The following GALNT13 variants were observed in gnomAD, a reference collection of about 807,000 sequenced individuals.
GALNT13 encodes the protein polypeptide N-acetylgalactosaminyltransferase 13.
Under a neutral mutation model 64.2 loss-of-function variants are expected in GALNT13, and 28 were observed. The observed-to-expected ratio is 0.44, with a 90% CI of 0.32 to 0.60. GALNT13 has a LOEUF of 0.60. Ranked by LOEUF, GALNT13 falls within the 20% of genes least tolerant of loss-of-function variation. The pLI, the probability that GALNT13 is intolerant of heterozygous loss-of-function variation, is 0.05. For synonymous variants in GALNT13, 214 were observed against 224.6 expected, an observed-to-expected ratio of 0.95 and a Z score of 0.42; for missense variants, 577 against 669.8, an observed-to-expected ratio of 0.86 and a Z score of 1.53.
chr2:153,980,838 T>C (rs72993655), intron 3 of GALNT13, among the ~76,000 whole-genome samples: 134 of 152,262 alleles, frequency 8.8e-4, no homozygotes, highest in African/African-American at 3.2e-3. Context: ...TTTGCAAGCT[T>C]TGTTTCTTAA....
intron 4 of GALNT13, among the ~76,000 whole-genome samples, chr2:154,187,769 T>G (rs892093761): frequency 2.0e-5 from 3 of 152,122 alleles, no homozygotes; most frequent in Admixed American, 1.3e-4. Flanking sequence ...ACTGCATACA[T>G]ACAAAATATT....
At chr2:153,252,467 T>C in the GALNT13 span, among the ~76,000 whole-genome samples, 17 of 143,902 alleles carry the variant, frequency 1.2e-4, no homozygotes, top group African/African-American at 4.3e-4. Flanking sequence ...CAGAAGCTCT[T>C]TAGTTTAATT....
the GALNT13 span, among the ~76,000 whole-genome samples, chr2:153,407,971 C>T: frequency 1.3e-5 from 2 of 152,090 alleles, no homozygotes; most frequent in Non-Finnish European, 2.9e-5. Flanking sequence ...CATCGAAATG[C>T]GTGATTTACA....
the GALNT13 span, among the ~76,000 whole-genome samples, chr2:153,814,999 A>G: frequency 6.6e-6 from 1 of 152,174 alleles, no homozygotes; most frequent in Non-Finnish European, 1.5e-5. Flanking sequence ...ACCCCCTGTA[A>G]ATATTATTAT....
At chr2:153,582,670 T>C in the GALNT13 span, among the ~76,000 whole-genome samples, 1 of 152,190 alleles carries the variant, frequency 6.6e-6, no homozygotes, top group Non-Finnish European at 1.5e-5. Context: ...TTTGTCCCTG[T>C]AGAGCTCCTA....
At chr2:154,322,144 C>CTTTTTTTTTTTTTTTTTTTTTTTTTTTT (rs70983718) in intron 9 of GALNT13, among the ~76,000 whole-genome samples, 1 of 16,612 alleles carries the variant, frequency 6.0e-5, no homozygotes, top group African/African-American at 2.6e-4. Flanking sequence ...AAAATATGTA[C>CTTTTTTTTTTTTTTTTTTTTTTTTTTTT]TTTTTTTTTT....
At chr2:153,265,656 G>C in the GALNT13 span, among the ~76,000 whole-genome samples, 159 of 152,220 alleles carry the variant, frequency 1.0e-3, 1 homozygote, top group South Asian at 9.7e-3. Flanking sequence ...TCTGATTTTT[G>C]ATTGTGATGA....
chr2:153,500,392 G>T, the GALNT13 span, among the ~76,000 whole-genome samples: 13 of 152,332 alleles, frequency 8.5e-5, no homozygotes, highest in East Asian at 2.3e-3. Context: ...GGTAGCTACA[G>T]TTGTGCTTGC....
At chr2:153,916,832 T>C (rs1029154015) in intron 2 of GALNT13, among the ~76,000 whole-genome samples, 1 of 152,166 alleles carries the variant, frequency 6.6e-6, no homozygotes, top group Non-Finnish European at 1.5e-5. Flanking sequence ...GCTTTACCTT[T>C]TAGATGGGAT....
At chr2:153,531,353 GA>G in the GALNT13 span, among the ~76,000 whole-genome samples, 4 of 152,152 alleles carry the variant, frequency 2.6e-5, no homozygotes, top group African/African-American at 9.7e-5. Flanking sequence ...GAGTAGGAGA[GA>G]GGGGGAGATG....
intron 8 of GALNT13, among the ~76,000 whole-genome samples, chr2:154,262,207 A>G (rs1309346619): frequency 6.6e-6 from 1 of 152,144 alleles, no homozygotes; most frequent in Non-Finnish European, 1.5e-5. Context: ...AGTAAGTGGA[A>G]TAGCTAAGAG....
intron 3 of GALNT13, among the ~76,000 whole-genome samples, chr2:154,078,603 T>G (rs1318776483): frequency 6.6e-6 from 1 of 151,610 alleles, no homozygotes; most frequent in Non-Finnish European, 1.5e-5. Context: ...TTGCCCACGC[T>G]TATTTAAATG....
At chr2:153,349,756 T>G in the GALNT13 span, among the ~76,000 whole-genome samples, 1 of 152,126 alleles carries the variant, frequency 6.6e-6, no homozygotes, top group South Asian at 2.1e-4. Flanking sequence ...GTCAAAGAAG[T>G]ACTCGGTGGA....
At chr2:154,411,859 G>A (rs573380935) in intron 11 of GALNT13, among the ~76,000 whole-genome samples, 1 of 151,548 alleles carries the variant, frequency 6.6e-6, no homozygotes, top group South Asian at 2.1e-4. Flanking sequence ...GGTAACTTAT[G>A]GCAAGTTACA....
At chr2:153,444,082 G>T in the GALNT13 span, among the ~76,000 whole-genome samples, 1 of 151,896 alleles carries the variant, frequency 6.6e-6, no homozygotes, top group Non-Finnish European at 1.5e-5. Flanking sequence ...CTATATGTTT[G>T]TCCATCTGTC....
At chr2:153,786,879 C>T in the GALNT13 span, among the ~76,000 whole-genome samples, 2,438 of 152,174 alleles carry the variant, frequency 0.016, 71 homozygotes, top group East Asian at 0.13. Flanking sequence ...GATAGGAGGC[C>T]GGTCCATCTT....
chr2:154,291,264 T>G lies in GALNT13; in HGVS notation c.976-10145T>G, dbSNP rs62171259. 2.5e-3 allele frequency among the ~76,000 whole-genome samples: 382 copies of G among 152,226 alleles called. 1 individual carries two copies. The highest frequency in any genetic ancestry group is 0.01 in the Middle Eastern group (3 of 292). On this transcript the variant is annotated intron_variant, in intron 8 of 12. Transcript: ENST00000392825. ...ATTGGTGCATTTACAATACTTTAGC[T>G]AGACACAAAATTTCTCCAAGTCCCC...
At chr2:153,118,075 C>G in the GALNT13 span, among the ~76,000 whole-genome samples, 2 of 147,648 alleles carry the variant, frequency 1.4e-5, no homozygotes, top group Admixed American at 6.8e-5. Flanking sequence ...AATTCTCTTT[C>G]TAAGAAACAA....
chr2:153,230,759 C>G, the GALNT13 span, among the ~76,000 whole-genome samples: 150 of 152,136 alleles, frequency 9.9e-4, 1 homozygote, highest in East Asian at 0.026. Flanking sequence ...CTTTATTTTC[C>G]CCTTCTATTC....
Sources: allele counts gnomAD v4.1 joint callset (sites outside exome capture counted in the v4.1 genomes callset), GRCh38; gene constraint gnomAD v4.1.1; transcripts MANE v1.5; gene names NCBI Gene and HGNC (gene_info 2026-07-23, HGNC 2026-07-21).